SLC39A11: variants seen among roughly 807,000 people sequenced by gnomAD.
SLC39A11 encodes zinc transporter ZIP11.
A neutral mutation model predicts 36.1 loss-of-function variants in SLC39A11; 33 were observed. The ratio of observed to expected loss-of-function variants is 0.91; its 90% CI spans 0.69 to 1.22. SLC39A11 has a LOEUF of 1.22. SLC39A11 is among the 50% of genes most tolerant of loss of function. SLC39A11 has a pLI of 0.00. For missense variants in SLC39A11, 432 were observed against 430.3 expected (o/e 1.00, Z -0.03); for synonymous variants, 166 against 170.3 (o/e 0.97, Z 0.20).
At chr17:72,740,256 G>C (rs956227156) in intron 6 of SLC39A11, among the ~76,000 whole-genome samples, 39 of 151,536 alleles carry the variant, frequency 2.6e-4, no homozygotes, top group Non-Finnish European at 5.2e-4. Flanking sequence ...GTAGAGACGG[G>C]GTTTCACACC....
chr17:72,903,941 C>T (rs775808241), intron 5 of SLC39A11, among the ~76,000 whole-genome samples: 31 of 152,130 alleles, frequency 2.0e-4, no homozygotes, highest in Non-Finnish European at 3.2e-4. Context: ...AAAGTCTGCA[C>T]CCTCCTGCTA....
intron 6 of SLC39A11, among the ~76,000 whole-genome samples, chr17:72,829,010 G>A (rs977425459): frequency 6.6e-6 from 1 of 152,150 alleles, no homozygotes; most frequent in African/African-American, 2.4e-5. Context: ...GTTAGGTTTG[G>A]TAACACAGTG....
chr17:72,742,268 C>T (rs1012712266), intron 6 of SLC39A11, among the ~76,000 whole-genome samples: 1 of 152,066 alleles, frequency 6.6e-6, no homozygotes, highest in Non-Finnish European at 1.5e-5. Flanking sequence ...GGGCAGGCTG[C>T]GATGGGTATG....
At chr17:73,086,409 T>C (rs568591421) in intron 2 of SLC39A11, among the ~76,000 whole-genome samples, 2 of 152,264 alleles carry the variant, frequency 1.3e-5, no homozygotes, top group East Asian at 1.9e-4. Context: ...TACAATGGAA[T>C]AGTCTTCAGC....
chr17:72,898,035 C>A (rs1222734148), intron 5 of SLC39A11, among the ~76,000 whole-genome samples: 1 of 152,074 alleles, frequency 6.6e-6, no homozygotes, highest in African/African-American at 2.4e-5. Context: ...GAAACAGGAA[C>A]AAAGTGTCAC....
At chr17:73,039,808 T>A (rs966831478) in intron 3 of SLC39A11, among the ~76,000 whole-genome samples, 2 of 152,106 alleles carry the variant, frequency 1.3e-5, no homozygotes, top group East Asian at 3.9e-4. Flanking sequence ...TAGGAGACCA[T>A]TTAATCTAAA....
At chr17:72,861,691 A>AATATATATATATATATATATATAAAAT (rs1429991072) in intron 5 of SLC39A11, among the ~76,000 whole-genome samples, 1 of 108,912 alleles carries the variant, frequency 9.2e-6, no homozygotes, top group African/African-American at 3.6e-5. Context: ...ATATATATAA[A>AATATATATATATATATATATATAAAAT]ATATATATAT....
chr17:72,761,024 C>T (rs2075555592), intron 6 of SLC39A11, among the ~76,000 whole-genome samples: 1 of 152,210 alleles, frequency 6.6e-6, no homozygotes, highest in Non-Finnish European at 1.5e-5. Flanking sequence ...CTGACCGCAT[C>T]TATGGAACAA....
chr17:72,945,115 C>T (rs1166956426), intron 5 of SLC39A11, among the ~76,000 whole-genome samples: 1 of 151,986 alleles, frequency 6.6e-6, no homozygotes, highest in Non-Finnish European at 1.5e-5. Context: ...TTTAAAGGAA[C>T]TTCTTCTGGC....
At chr17:72,967,299 A>G (rs1174203989) in intron 4 of SLC39A11, among the ~76,000 whole-genome samples, 1 of 151,748 alleles carries the variant, frequency 6.6e-6, no homozygotes, top group Non-Finnish European at 1.5e-5. Flanking sequence ...CTACTATGCT[A>G]GAGTGAGATA....
Position 72,820,240 on chromosome 17 carries a change from A to T in SLC39A11, c.601+29394T>A, listed in dbSNP as rs751696413. Among the ~76,000 whole-genome samples, 22 of 151,184 alleles carry T rather than the reference A, an allele frequency of 1.5e-4. 1 individual carries two copies. The highest frequency in any genetic ancestry group is 3.3e-4 in the Non-Finnish European group (22 of 67,472). On this transcript the variant is annotated intron_variant, in intron 6 of 9. Transcript: ENST00000255559. ...ACTGCCTGTGGGAAAATGATCTTTG[A>T]CTATTTTCCCCTCTGGATGTTGAAA...
intron 7 of SLC39A11, among the ~76,000 whole-genome samples, chr17:72,713,614 TAGCTGTACACATAAA>T (rs1006441435): frequency 2.0e-5 from 3 of 152,196 alleles, no homozygotes; most frequent in Admixed American, 6.5e-5. Context: ...AATAGCCAAC[TAGCTGTACACATAAA>T]AAAAACTGGG....
intron 6 of SLC39A11, among the ~76,000 whole-genome samples, chr17:72,804,777 C>T (rs1330303092): frequency 6.6e-6 from 1 of 152,152 alleles, no homozygotes; most frequent in Non-Finnish European, 1.5e-5. Flanking sequence ...AATCCCAGTG[C>T]TCTGGGAGGC....
chr17:72,882,461 C>T (rs527286412), intron 5 of SLC39A11, among the ~76,000 whole-genome samples: 2 of 151,694 alleles, frequency 1.3e-5, no homozygotes, highest in East Asian at 3.9e-4. Flanking sequence ...TCAGAAAATC[C>T]AAGTACGATG....
intron 5 of SLC39A11, among the ~76,000 whole-genome samples, chr17:72,941,256 C>T (rs927939002): frequency 6.6e-6 from 1 of 152,130 alleles, no homozygotes; most frequent in African/African-American, 2.4e-5. Flanking sequence ...CTGGGTGACA[C>T]AGTGAGACTC....
Position 73,056,018 on chromosome 17 carries a change from T to C in SLC39A11, c.148-24304A>G, listed in dbSNP as rs74888888. Among the ~76,000 whole-genome samples, 246 of 152,308 alleles carry C rather than the reference T, an allele frequency of 1.6e-3. 3 individuals are homozygous for C. The highest frequency in any genetic ancestry group is 0.014 in the East Asian group (70 of 5,180). On this transcript the variant is annotated intron_variant, in intron 3 of 9. Coordinates refer to ENST00000255559, the MANE Select transcript of SLC39A11 (RefSeq NM_139177.4). ...GCTGTAATTGTCTTTCTGATACTTTTGGTGCCCACTATGGGGCACAGAGGA... is the reference window on the plus strand; with the variant it reads ...GCTGTAATTGTCTTTCTGATACTTTCGGTGCCCACTATGGGGCACAGAGGA...
At position 72,906,420 on chromosome 17, in the gene SLC39A11, T is replaced by G. The variant is rs111856093; in HGVS notation, c.430+41332A>C. Among the ~76,000 whole-genome samples the G allele has an allele frequency of 7.6e-3, 1,163 of 152,320 alleles. 10 individuals carry two copies. The highest frequency in any genetic ancestry group is 0.026 in the African/African-American group (1,100 of 41,568). ...GGCAGTGTTTCCTCCTGGGCTTCCT[T>G]CCTACCCAAAACCAGAACGGGGCTT... On this transcript the variant is annotated intron_variant, in intron 5 of 9. Coordinates refer to ENST00000255559, the MANE Select transcript of SLC39A11 (RefSeq NM_139177.4).
At chr17:72,879,735 C>A (rs971616254) in intron 5 of SLC39A11, among the ~76,000 whole-genome samples, 2 of 152,180 alleles carry the variant, frequency 1.3e-5, no homozygotes, top group African/African-American at 2.4e-5. Context: ...AGCATGCTGA[C>A]CACCTGCCCT....
intron 6 of SLC39A11, among the ~76,000 whole-genome samples, chr17:72,767,596 G>A (rs1017228562): frequency 2.0e-5 from 3 of 152,232 alleles, no homozygotes; most frequent in Admixed American, 1.3e-4. Context: ...CCTTCCATGA[G>A]TTGGTCAGCA....
Sources: gnomAD v4.1 joint callset for allele counts (sites outside exome capture counted in the v4.1 genomes callset) on GRCh38, gnomAD v4.1.1 for gene constraint, MANE v1.5 for transcripts, NCBI Gene and HGNC (gene_info 2026-07-23, HGNC 2026-07-21) for gene names.